RGMB: variants seen among roughly 807,000 people sequenced by gnomAD.
RGMB encodes the protein repulsive guidance molecule BMP co-receptor b.
Under a neutral mutation model 26.9 loss-of-function variants are expected in RGMB, and 16 were observed. The ratio of observed to expected loss-of-function variants is 0.60; its 90% confidence interval spans 0.40 to 0.90. The LOEUF is 0.90. Among genes scored for constraint, RGMB ranks in the 40% least tolerant of loss-of-function variants. The pLI is 0.00. For synonymous variants in RGMB, 225 were observed against 229.3 expected, an observed-to-expected ratio of 0.98 and a Z score of 0.17; for missense variants, 512 against 573.3, an observed-to-expected ratio of 0.89 and a Z score of 1.09.
intron 2 of RGMB, chr5:98,792,830 C>A (rs1561447677): frequency 7.0e-6 from 2 of 283,748 alleles, no homozygotes; most frequent in South Asian, 9.3e-5. Context: ...CTTGCTCACT[C>A]TTTCTCTTAG....
intron 2 of RGMB, among the ~76,000 whole-genome samples, chr5:98,785,607 C>CTT (rs1746747369): frequency 6.6e-6 from 1 of 152,204 alleles, no homozygotes; most frequent in Admixed American, 6.5e-5. Context: ...CTGGCTCCCA[C>CTT]TTTTGAAAGA....
chr5:98,771,630 T>C (rs1746167130), upstream of RGMB: 1 of 152,194 alleles, frequency 6.6e-6, no homozygotes, highest in Non-Finnish European at 1.5e-5. Context: ...CTTGTCAAAT[T>C]TTACAACAGA....
At chr5:98,774,678 G>C (rs1746335222) in intron 1 of RGMB, among the ~76,000 whole-genome samples, 1 of 152,220 alleles carries the variant, frequency 6.6e-6, no homozygotes, top group African/African-American at 2.4e-5. Context: ...ACACCAGATG[G>C]AAAGATTTTT....
rs777854485 is a variant in RGMB at position 98,786,062 on chromosome 5, A to C, written c.645+5974A>C. On this transcript the variant is annotated intron_variant, in intron 2 of 2. Transcript: ENST00000513185. ...CCTATGTCTGAAAAATCATTTTGTA[A>C]GATAAATGAGCTACCTGTTTATTCT... Among the ~76,000 whole-genome samples, 26 of 152,232 alleles carry C rather than the reference A, an allele frequency of 1.7e-4. 1 individual carries two copies. The highest frequency in any genetic ancestry group is 4.4e-5 in the Non-Finnish European group (3 of 68,048).
chr5:98,783,527 A>G (rs915486104), intron 2 of RGMB, among the ~76,000 whole-genome samples: 1 of 152,330 alleles, frequency 6.6e-6, no homozygotes, highest in Non-Finnish European at 1.5e-5. Flanking sequence ...CACACTCAAG[A>G]TAAACCAGAT....
rs896984484 is a variant in RGMB at position 98,794,067 on chromosome 5, T to C, written c.*314T>C. ...TATTTATGTGTGTGCTTGGTTGATA[T>C]GTATAGTACATATACACAGACATCC... On this transcript the variant is annotated 3_prime_UTR_variant, in exon 3 of 3. Coordinates refer to ENST00000513185, the MANE Select transcript of RGMB (RefSeq NM_001366508.1). 1.4e-5 allele frequency: 3 copies of C among 209,948 alleles called. No homozygotes were observed. Among genetic ancestry groups the C allele is most frequent in the South Asian group, 1.9e-4 (2 of 10,420 alleles). The allele number at this position is 209,948 out of a possible 1,614,324, so 13.0% of individuals were successfully genotyped here.
chr5:98,768,812 C>G (rs1381931047), upstream of RGMB: 1 of 152,270 alleles, frequency 6.6e-6, no homozygotes, highest in Non-Finnish European at 1.5e-5. Context: ...GCCACTGTAC[C>G]CATTTTAGAA....
chr5:98,780,710 G>C (rs1176804463), intron 2 of RGMB: 1 of 152,282 alleles, frequency 6.6e-6, no homozygotes, highest in Non-Finnish European at 1.5e-5. Context: ...TCAGTCAGAA[G>C]CTAAGAGAAA....
intron 2 of RGMB, among the ~76,000 whole-genome samples, chr5:98,789,331 A>G (rs1746854958): frequency 6.6e-6 from 1 of 152,204 alleles, no homozygotes; most frequent in Non-Finnish European, 1.5e-5. Context: ...GTCAAGGTGC[A>G]CAGCCATTTG....
chr5:98,779,548 A>C, intron 1 of RGMB, 32 bp from the exon 2 acceptor site: 1 of 1,495,982 alleles, frequency 6.7e-7, no homozygotes, highest in South Asian at 1.5e-5. Flanking sequence ...TGAAGAGTTT[A>C]CAAATGTTTG....
chr5:98,773,866 C>G lies in RGMB; in HGVS notation c.-205C>G, dbSNP rs1024628295. 1 of 502,650 alleles carries G rather than the reference C, an allele frequency of 2.0e-6. No homozygotes were observed. The highest frequency in any genetic ancestry group is 3.5e-6 in the Non-Finnish European group (1 of 289,550). 31.1% of individuals were successfully genotyped at this position (502,650 alleles called of 1,614,324 possible). On this transcript the variant is annotated 5_prime_UTR_variant, in exon 1 of 3. Coordinates refer to ENST00000513185, the MANE Select transcript of RGMB (RefSeq NM_001366508.1). ...CGGCCGCCACGATGCCCCTGCGCCC[C>G]GCTGCTGCCGCCGCGGACTGGCTGC...
At position 98,779,905 on chromosome 5, in the gene RGMB, C is replaced by G. The variant is rs201450968; in HGVS notation, c.462C>G (p.Asp154Glu). ...HAGAREHRRG[D>E]QNPPSYLFCG... ...GAGCCAGGGAACACAGGAGAGGGGA[C>G]CAGAACCCTCCCAGTTACCTTTTTT... Residue 154 changes from aspartate to glutamate, a missense_variant, in exon 2 of 3, where the codon GAC becomes GAG. Transcript: ENST00000513185. The G allele has an allele frequency of 6.2e-7, 1 of 1,613,924 alleles. No individual in the cohort carries two copies. Among genetic ancestry groups the G allele is most frequent in the Non-Finnish European group, 8.5e-7 (1 of 1,179,852 alleles).
In RGMB at chr5:98,779,252, A is replaced by G. The variant is rs142922985; in HGVS notation, c.137-328A>G. Reference sequence around the variant, plus strand: ...CTTAGAGTAATCTTTTTCAAAACCTATGAACAAATAGCAACATTTATAAAA... The same window carrying G: ...CTTAGAGTAATCTTTTTCAAAACCTGTGAACAAATAGCAACATTTATAAAA... On this transcript the variant is annotated intron_variant, in intron 1 of 2. Transcript: ENST00000513185. Among the ~76,000 whole-genome samples, 88 of 152,362 alleles carry G rather than the reference A, an allele frequency of 5.8e-4. 1 individual carries two copies. The highest frequency in any genetic ancestry group is 6.8e-3 in the Middle Eastern group (2 of 294).
At chr5:98,770,800 TG>T, upstream of RGMB, 2 of 557,264 alleles carry the variant, frequency 3.6e-6, no homozygotes, top group African/African-American at 3.9e-5. Context: ...ACTCTTGCTC[TG>T]AAAAAAAAAA....
chr5:98,776,388 A>C (rs1188017364), intron 1 of RGMB, among the ~76,000 whole-genome samples: 1 of 152,166 alleles, frequency 6.6e-6, no homozygotes, highest in African/African-American at 2.4e-5. Flanking sequence ...TTTTTAAGCA[A>C]ACCTCTGCAA....
At position 98,793,654 on chromosome 5, in the gene RGMB, GCA is replaced by G; in HGVS notation, c.1218_1219del (p.Ile407PhefsTer14). 1 of 1,613,986 alleles carries G rather than the reference GCA, an allele frequency of 6.2e-7. No individual in the cohort carries two copies. Among genetic ancestry groups the G allele is most frequent in the South Asian group, 1.1e-5 (1 of 91,064 alleles). ...CCCTGCACCCAAGGAAGGAACGCTG[GCA>G]CATTTTCCCCAGCAGTGGCAATGGG... ...EALHPRKERW[H>X]IFPSSGNGTP... On this transcript the variant is annotated frameshift_variant, in exon 3 of 3. Transcript: ENST00000513185. LOFTEE classifies it low-confidence loss of function (END_TRUNC).
chr5:98,775,899 T>C (rs1252489284), intron 1 of RGMB, among the ~76,000 whole-genome samples: 1 of 152,228 alleles, frequency 6.6e-6, no homozygotes, highest in Non-Finnish European at 1.5e-5. Context: ...TTGAGAGATT[T>C]CTTTGAAGAG....
upstream of RGMB, chr5:98,769,968 C>G (rs1274896429): frequency 6.6e-6 from 1 of 152,410 alleles, no homozygotes; most frequent in Admixed American, 6.5e-5. Context: ...GACCCAGGGA[C>G]AGCTGGCCAC....
At chr5:98,774,343 C>A (rs1580268739) in intron 1 of RGMB, 137 bp downstream of exon 1, 1 of 910,298 alleles carries the variant, frequency 1.1e-6, no homozygotes, top group Non-Finnish European at 1.5e-6. Context: ...GCCCCTGACA[C>A]GCACCTCTGT....
Sources: gnomAD v4.1 joint callset for allele counts (sites outside exome capture counted in the v4.1 genomes callset) on GRCh38, gnomAD v4.1.1 for gene constraint, MANE v1.5 for transcripts, NCBI Gene and HGNC (gene_info 2026-07-23, HGNC 2026-07-21) for gene names.